PPP2R5C: variants seen among roughly 807,000 people sequenced by gnomAD.
PPP2R5C encodes the protein protein phosphatase 2 regulatory subunit B'gamma.
Under a neutral mutation model 68.9 loss-of-function variants are expected in PPP2R5C, and 7 were observed. The ratio of observed to expected loss-of-function variants is 0.10; its 90% CI spans 0.06 to 0.19. PPP2R5C has a LOEUF of 0.19. PPP2R5C is among the 10% of genes least tolerant of loss of function. The pLI, the probability that PPP2R5C is intolerant of heterozygous loss-of-function variation, is 1.00. For missense variants in PPP2R5C, 348 were observed against 641.3 expected (o/e 0.54, Z 4.94); for synonymous variants, 210 against 222.2 (o/e 0.95, Z 0.49).
chr14:101,823,290 C>A (rs1323442204), intron 1 of PPP2R5C, among the ~76,000 whole-genome samples: 1 of 152,200 alleles, frequency 6.6e-6, no homozygotes, highest in East Asian at 1.9e-4. Context: ...TGCTGCAGAA[C>A]CCGGGCCGAG....
chr14:101,877,089 C>T lies in PPP2R5C; in HGVS notation c.295-5072C>T, dbSNP rs2043832806. Among the ~76,000 whole-genome samples the T allele has an allele frequency of 6.6e-6, 1 of 151,842 alleles. No individual in the cohort carries two copies. The highest frequency in any genetic ancestry group is 2.4e-5 in the African/African-American group (1 of 41,308). On this transcript the variant is annotated intron_variant, in intron 2 of 13. Transcript: ENST00000334743. This position sits in a 1 kb window ranked among gnomAD's most constrained non-coding sequence, Gnocchi z 4.2. The stretch of plus-strand genomic sequence containing the variant: ...TCAGCCTCCCGAGTAGCTGGGATTA[C>T]AGGCACCCACCACCACACCCAGCTA...
intron 12 of PPP2R5C, chr14:101,912,723 T>C: frequency 1.5e-6 from 1 of 666,540 alleles, no homozygotes; most frequent in Non-Finnish European, 2.1e-6. Flanking sequence ...ATCTTATGCA[T>C]ATACTGTGGT....
At chr14:101,785,914 A>G (rs1189893820) in intron 2 of PPP2R5C, 104 bp from the exon 3 acceptor site, 1 of 1,051,676 alleles carries the variant, frequency 9.5e-7, no homozygotes, top group Admixed American at 3.7e-5. Flanking sequence ...AGTGAAGGGG[A>G]ATGCCCCAGA....
chr14:101,856,006 A>G (rs2042400197), intron 1 of PPP2R5C, among the ~76,000 whole-genome samples: 1 of 152,228 alleles, frequency 6.6e-6, no homozygotes, highest in Admixed American at 6.5e-5. Flanking sequence ...CATTAACGTC[A>G]GTCGTCATGT....
chr14:101,871,872 A>G (rs1465116965), intron 2 of PPP2R5C, among the ~76,000 whole-genome samples: 2 of 152,172 alleles, frequency 1.3e-5, no homozygotes, highest in Admixed American at 1.3e-4. Context: ...TATAGAATAT[A>G]AGACATTTAC....
chr14:101,864,342 C>G (rs1010233779), intron 2 of PPP2R5C, among the ~76,000 whole-genome samples: 2 of 152,156 alleles, frequency 1.3e-5, no homozygotes, highest in African/African-American at 2.4e-5. Context: ...TGCTGGACCA[C>G]TGAGAACGCA....
At chr14:101,857,503 C>CT (rs768131206) in intron 2 of PPP2R5C, among the ~76,000 whole-genome samples, 7 of 152,248 alleles carry the variant, frequency 4.6e-5, no homozygotes, top group African/African-American at 9.6e-5. Context: ...TGTCATTCCT[C>CT]TATCAATGAC....
At position 101,906,163 on chromosome 14, in the gene PPP2R5C, T is replaced by C. The variant is rs954913128; in HGVS notation, c.1024-239T>C. Among the ~76,000 whole-genome samples, 2 of 152,222 alleles carry C rather than the reference T, an allele frequency of 1.3e-5. No homozygotes were observed. Among genetic ancestry groups the C allele is most frequent in the Non-Finnish European group, 2.9e-5 (2 of 68,040 alleles). On this transcript the variant is annotated intron_variant, in intron 9 of 13. Coordinates refer to ENST00000334743, the Ensembl canonical transcript of PPP2R5C. The surrounding 1 kb of genome is among the most constrained non-coding windows in gnomAD (Gnocchi z 4.0). ...GCATCTAGCATAAATGTTTACGGAA[T>C]AAGTAGAGAAATAGGTGACAATGTT...
chr14:101,834,482 G>T (rs375383008), intron 1 of PPP2R5C, among the ~76,000 whole-genome samples: 1 of 152,232 alleles, frequency 6.6e-6, no homozygotes, highest in African/African-American at 2.4e-5. Flanking sequence ...ATCTAAGGAG[G>T]CATTTTCCTC....
chr14:101,883,597 TGGTGATGCTCATTTCCCCCCTC>T, intron 5 of PPP2R5C, 35 bp downstream of exon 7: 1 of 1,605,956 alleles, frequency 6.2e-7, no homozygotes, highest in East Asian at 2.2e-5. Context: ...TCCTTGTGTG[TGGTGATGCTCATTTCCCCCCTC>T]GATGCTCCCC....
At chr14:101,860,458 T>C (rs184240336) in intron 2 of PPP2R5C, among the ~76,000 whole-genome samples, 41 of 152,354 alleles carry the variant, frequency 2.7e-4, no homozygotes, top group Non-Finnish European at 5.4e-4. Flanking sequence ...CACTATATTA[T>C]GTCCATTTGG....
intron 13 of PPP2R5C, among the ~76,000 whole-genome samples, chr14:101,919,969 C>CAAAAAAAAAAAAAA (rs34641396): frequency 2.5e-4 from 13 of 52,876 alleles, no homozygotes; most frequent in African/African-American, 9.8e-4. Flanking sequence ...AACTCCGTCT[C>CAAAAAAAAAAAAAA]AAAAAAAAAA....
At chr14:101,772,783 G>A (rs116094251) in intron 2 of PPP2R5C, among the ~76,000 whole-genome samples, 159 of 152,276 alleles carry the variant, frequency 1.0e-3, no homozygotes, top group African/African-American at 3.7e-3. Flanking sequence ...GTGACAGAAT[G>A]CAACTCCGCC....
chr14:101,893,881 C>G (rs1050608785), intron 7 of PPP2R5C, among the ~76,000 whole-genome samples: 1 of 152,210 alleles, frequency 6.6e-6, no homozygotes, highest in Non-Finnish European at 1.5e-5. Flanking sequence ...GGTTTTCTCT[C>G]ACTCTTTGGC....
chr14:101,851,313 C>A (rs1489138223), intron 1 of PPP2R5C, among the ~76,000 whole-genome samples: 1 of 152,112 alleles, frequency 6.6e-6, no homozygotes, highest in Non-Finnish European at 1.5e-5. Flanking sequence ...TGCCTGTAGT[C>A]CCAGCTACTC....
upstream of PPP2R5C, among the ~76,000 whole-genome samples, chr14:101,806,728 G>A (rs968561122): frequency 3.3e-5 from 5 of 152,196 alleles, no homozygotes; most frequent in African/African-American, 1.2e-4. Context: ...GGGAGGCTGA[G>A]GCTGGAGGAT....
chr14:101,850,354 G>C (rs779127354), intron 1 of PPP2R5C, among the ~76,000 whole-genome samples: 2 of 152,190 alleles, frequency 1.3e-5, no homozygotes, highest in Non-Finnish European at 2.9e-5. Flanking sequence ...AGAAAATTAA[G>C]TGTTTTTAAA....
chr14:101,865,822 G>A (rs1403723684), intron 2 of PPP2R5C, among the ~76,000 whole-genome samples: 2 of 152,178 alleles, frequency 1.3e-5, no homozygotes, highest in Non-Finnish European at 2.9e-5. Context: ...TTACCAGGGG[G>A]ACGCCTCAAT....
rs540567283 is a variant in PPP2R5C at position 101,886,003 on chromosome 14, C to T, written c.629+2441C>T. 7.9e-5 allele frequency among the ~76,000 whole-genome samples: 12 copies of T among 152,284 alleles called. No individual in the cohort carries two copies. In the East Asian group the frequency reaches 1.2e-3, roughly 15 times the overall value. The stretch of plus-strand genomic sequence containing the variant: ...TGCATTTAAGAAGTAGAAAATGGGC[C>T]GGGCGTGGTGGCTCACGCCTGTAAT... On this transcript the variant is annotated intron_variant, in intron 5 of 13. Coordinates refer to ENST00000334743, the Ensembl canonical transcript of PPP2R5C.
Sources: allele counts gnomAD v4.1 joint callset (sites outside exome capture counted in the v4.1 genomes callset), GRCh38; gene constraint gnomAD v4.1.1; non-coding constraint Gnocchi (gnomAD v3.1); transcripts MANE v1.5; gene names NCBI Gene and HGNC (gene_info 2026-07-23, HGNC 2026-07-21).